ASIC1: variants seen among roughly 807,000 people sequenced by gnomAD.
The protein encoded by ASIC1 is acid sensing ion channel subunit 1.
A neutral mutation model predicts 63.4 loss-of-function variants in ASIC1; 21 were observed. The ratio of observed to expected loss-of-function variants is 0.33; its 90% confidence interval spans 0.23 to 0.48. The LOEUF (loss-of-function observed/expected upper bound fraction) is 0.48. Ranked by LOEUF, ASIC1 falls within the 20% of genes least tolerant of loss-of-function variation. The pLI is 0.99. For missense variants in ASIC1, 478 were observed against 695.5 expected, an observed-to-expected ratio of 0.69 and a Z score of 3.52; for synonymous variants, 258 against 278.2, an observed-to-expected ratio of 0.93 and a Z score of 0.72.
rs754544748 is a variant in ASIC1 at position 50,081,650 on chromosome 12, G to T, written c.*1G>T. 1 of 1,613,490 alleles carries T rather than the reference G, an allele frequency of 6.2e-7. No individual in the cohort carries two copies. Among genetic ancestry groups the T allele is most frequent in the South Asian group, 1.1e-5 (1 of 90,984 alleles). On this transcript the variant is annotated 3_prime_UTR_variant, in exon 12 of 12. Coordinates refer to ENST00000447966, the MANE Select transcript of ASIC1 (RefSeq NM_001095.4). ...CACGTTCGAGGACTTTACCTGCTGA[G>T]CCCCGCAGGCCGCTGAACCAAAGGC...
At chr12:50,073,708 G>A in intron 3 of ASIC1, 1 of 1,536,558 alleles carries the variant, frequency 6.5e-7, no homozygotes, top group South Asian at 1.2e-5. Flanking sequence ...ATCGGAAGAG[G>A]AGGAAGAAGA....
intron 3 of ASIC1, among the ~76,000 whole-genome samples, chr12:50,069,389 G>A (rs914371861): frequency 6.6e-5 from 10 of 151,930 alleles, no homozygotes; most frequent in African/African-American, 2.4e-4. Context: ...CACATCCTTG[G>A]TTCAAGCAAG....
At chr12:50,067,729 C>CT (rs1950560246) in intron 3 of ASIC1, among the ~76,000 whole-genome samples, 1 of 152,122 alleles carries the variant, frequency 6.6e-6, no homozygotes, top group South Asian at 2.1e-4. Flanking sequence ...CCCACCACCT[C>CT]TTTTTTGAAC....
At position 50,081,572 on chromosome 12, in the gene ASIC1, C is replaced by A; in HGVS notation, c.1510C>A (p.Pro504Thr). Residue 504 changes from proline to threonine, a missense_variant, in exon 12 of 12, where the codon CCT becomes ACT. Physicochemically the swap from Pro to Thr is conservative, Grantham distance 38. Coordinates refer to ENST00000447966, the MANE Select transcript of ASIC1 (RefSeq NM_001095.4). ...HNPCESLRGH[P>T]AGMTYAANIL... Reference sequence around the variant, plus strand: ...CCCGTGCGAGAGCCTTCGGGGCCACCCTGCCGGGATGACATACGCTGCCAA... The same window carrying A: ...CCCGTGCGAGAGCCTTCGGGGCCACACTGCCGGGATGACATACGCTGCCAA... 6.2e-7 allele frequency: 1 copy of A among 1,614,174 alleles called. No homozygotes were observed. The highest frequency in any genetic ancestry group is 8.5e-7 in the Non-Finnish European group (1 of 1,180,022).
intron 3 of ASIC1, 78 bp from the exon 4 acceptor site, chr12:50,077,135 C>A: frequency 6.2e-7 from 1 of 1,606,474 alleles, no homozygotes; most frequent in East Asian, 2.2e-5. Context: ...ATTCCAACAG[C>A]TGGGGTGGCT....
Position 50,074,154 on chromosome 12 carries a change from CT to C in ASIC1, c.559-3057del, listed in dbSNP as rs1378776086. 7 of 1,535,270 alleles carry C rather than the reference CT, an allele frequency of 4.6e-6. No individual in the cohort carries two copies. Among genetic ancestry groups the C allele is most frequent in the Non-Finnish European group, 6.1e-6 (7 of 1,146,454 alleles). ...CTGGGGAGCCCTTTAACCTGCACCG[CT>C]TCTACAATCGCTCCTGCCACCGGCT... On this transcript the variant is annotated intron_variant, in intron 3 of 11. Transcript: ENST00000447966. The surrounding 1 kb of genome is among the most constrained non-coding windows in gnomAD (Gnocchi z 4.2).
At chr12:50,076,156 G>A (rs1483095346) in intron 3 of ASIC1, among the ~76,000 whole-genome samples, 1 of 152,126 alleles carries the variant, frequency 6.6e-6, no homozygotes, top group East Asian at 1.9e-4. Flanking sequence ...AAGGGGCTAG[G>A]GGCTGAATGA....
intron 3 of ASIC1, 103 bp from the exon 4 acceptor site, chr12:50,077,110 C>T (rs776983296): frequency 1.3e-5 from 21 of 1,574,002 alleles, no homozygotes; most frequent in Non-Finnish European, 1.7e-5. Context: ...GGAACCATTC[C>T]CAAAGGGTGT....
chr12:50,068,132 G>GTTTGT (rs1028419740), intron 3 of ASIC1, among the ~76,000 whole-genome samples: 13 of 152,132 alleles, frequency 8.5e-5, no homozygotes, highest in Admixed American at 4.6e-4. Context: ...TTTTGTGTCT[G>GTTTGT]TTTGTTTTGT....
chr12:50,080,305 A>G, intron 8 of ASIC1, 193 bp from the exon 9 acceptor site: 1 of 757,374 alleles, frequency 1.3e-6, no homozygotes, highest in Admixed American at 2.7e-5. Context: ...CTTGATGCAT[A>G]CTGCATATGG....
In ASIC1 at chr12:50,081,189, G is replaced by C. The variant is rs757284940; in HGVS notation, c.1377+8G>C. On this transcript the variant is annotated splice_region_variant and intron_variant, in intron 10 of 11. Coordinates refer to ENST00000447966, the MANE Select transcript of ASIC1 (RefSeq NM_001095.4). ...TTTGACTACGCCTACGAGGTAAGCG[G>C]GGGCGAGGCCCGGCACGGGGCCACG... The C allele has an allele frequency of 6.2e-7, 1 of 1,610,492 alleles. No individual in the cohort carries two copies. Among genetic ancestry groups the C allele is most frequent in the Admixed American group, 1.7e-5 (1 of 59,436 alleles).
chr12:50,066,419 G>A (rs1186958781), intron 3 of ASIC1, among the ~76,000 whole-genome samples: 1 of 152,096 alleles, frequency 6.6e-6, no homozygotes, highest in African/African-American at 2.4e-5. Context: ...GAGGCAGGAA[G>A]GGCAAGAAAG....
At chr12:50,064,896 G>A (rs1363023125) in intron 3 of ASIC1, among the ~76,000 whole-genome samples, 1 of 152,188 alleles carries the variant, frequency 6.6e-6, no homozygotes, top group Admixed American at 6.5e-5. Context: ...CATGTGCCAG[G>A]TCCTGCGCTG....
In ASIC1 at chr12:50,074,837, T is replaced by C. The variant is rs1592275642; in HGVS notation, c.559-2376T>C. Among the ~76,000 whole-genome samples the C allele has an allele frequency of 6.6e-6, 1 of 151,218 alleles. No individual in the cohort carries two copies. Among genetic ancestry groups the C allele is most frequent in the East Asian group, 2.0e-4 (1 of 5,086 alleles). ...CACTTGGTCTTCCTGTGCCCTCCTA[T>C]GGACGCCCCACCCCCACCAGCTCTG... On this transcript the variant is annotated intron_variant, in intron 3 of 11. Transcript: ENST00000447966. This position sits in a 1 kb window ranked among gnomAD's most constrained non-coding sequence, Gnocchi z 4.2.
chr12:50,059,062 G>A lies in ASIC1; in HGVS notation c.296G>A (p.Arg99His), dbSNP rs747530628. The change falls in exon 2 of 12, where the codon CGC becomes CAC. Residue 99 changes from arginine (R) to histidine (H), a missense_variant. Physicochemically the swap from Arg to His is conservative, Grantham distance 29. This residue lies in a region of ASIC1 where 290 missense variants were observed against 414.9 expected (regional missense o/e 0.70). Transcript: ENST00000447966. This position sits in a 1 kb window ranked among gnomAD's most constrained non-coding sequence, Gnocchi z 4.6. The stretch of plus-strand genomic sequence containing the variant: ...ACGCTGTGCAACCTCAACGAGTTCC[G>A]CTTTAGCCAAGTCTCCAAGAATGAC... ...AVTLCNLNEFRFSQVSKNDLY... is the reference protein window; with the variant it reads ...AVTLCNLNEFHFSQVSKNDLY... The A allele has an allele frequency of 3.1e-6, 5 of 1,614,106 alleles. No homozygotes were observed. Among genetic ancestry groups the A allele is most frequent in the Non-Finnish European group, 4.2e-6 (5 of 1,180,030 alleles).
At chr12:50,079,083 T>C in intron 7 of ASIC1, 103 bp downstream of exon 7, 1 of 1,140,410 alleles carries the variant, frequency 8.8e-7, no homozygotes, top group Non-Finnish European at 1.3e-6. Context: ...ACATAACTCC[T>C]GGACTGGGCT....
Position 50,072,229 on chromosome 12 carries a change from T to C in ASIC1, c.559-4984T>C, listed in dbSNP as rs758688965. Reference sequence around the variant, plus strand: ...CTGGGGCTAGGGGATGCTTAAGGAATGGGGAGGCCCAAGCAGACCCACCTA... The same window carrying C: ...CTGGGGCTAGGGGATGCTTAAGGAACGGGGAGGCCCAAGCAGACCCACCTA... On this transcript the variant is annotated intron_variant, in intron 3 of 11. Transcript: ENST00000447966. Among the ~76,000 whole-genome samples, 63 of 152,166 alleles carry C rather than the reference T, an allele frequency of 4.1e-4. 1 individual carries two copies. Among genetic ancestry groups the C allele is most frequent in the Non-Finnish European group, 7.7e-4 (52 of 67,960 alleles).
At chr12:50,081,519 G>C (rs554216673) in intron 11 of ASIC1, 26 bp from the exon 12 acceptor site, 1 of 1,443,558 alleles carries the variant, frequency 6.9e-7, no homozygotes, top group East Asian at 3.4e-5. Context: ...GGGATAACCC[G>C]TCCCTGTCCT....
Position 50,081,322 on chromosome 12 carries a change from G to T in ASIC1, c.1440G>T (p.Ala480=). 1 of 1,610,778 alleles carries T rather than the reference G, an allele frequency of 6.2e-7. No homozygotes were observed. Among genetic ancestry groups the T allele is most frequent in the Admixed American group, 1.7e-5 (1 of 59,578 alleles). The change falls in exon 11 of 12, where the codon GCG becomes GCT. Residue 480 remains alanine, a synonymous_variant. Coordinates refer to ENST00000447966, the MANE Select transcript of ASIC1 (RefSeq NM_001095.4). ...KCQKEAKRSS[A]DKGVALSLDD... is the part of the protein sequence containing the mutation. The stretch of plus-strand genomic sequence containing the variant: ...AGAAGGAGGCCAAAAGGAGCAGTGC[G>T]GACAAGGGCGTGGCCCTCAGCCTGG...
Sources: gnomAD v4.1 joint callset for allele counts (sites outside exome capture counted in the v4.1 genomes callset) on GRCh38, gnomAD v4.1.1 for gene constraint, gnomAD v4.1.1 regional missense constraint, Gnocchi (gnomAD v3.1) non-coding constraint, MANE v1.5 for transcripts, NCBI Gene and HGNC (gene_info 2026-07-23, HGNC 2026-07-21) for gene names.